Variants in FBXL20 observed in about 807,000 individuals in gnomAD.
FBXL20 encodes F-box/LRR-repeat protein 20.
FBXL20 carries 11 observed loss-of-function variants against 64.0 expected under a neutral mutation model. That is an observed-to-expected ratio of 0.17 (90% CI 0.11 to 0.28). The LOEUF (loss-of-function observed/expected upper bound fraction) is 0.28, where lower values mean the gene tolerates loss of function less well. Ranked by LOEUF, FBXL20 falls within the 10% of genes least tolerant of loss-of-function variation. FBXL20 has a pLI of 1.00. For synonymous variants in FBXL20, 184 were observed against 189.0 expected, an observed-to-expected ratio of 0.97 and a Z score of 0.22; for missense variants, 303 against 526.2, an observed-to-expected ratio of 0.58 and a Z score of 4.15.
chr17:39,401,177 G>A (rs1188311680), intron 1 of FBXL20, among the ~76,000 whole-genome samples, 184 bp downstream of exon 1: 1 of 152,240 alleles, frequency 6.6e-6, no homozygotes, highest in Non-Finnish European at 1.5e-5. Flanking sequence ...ACCGGCGAGG[G>A]GACTGGGGGC....
chr17:39,271,184 A>G (rs2046840059), intron 10 of FBXL20, among the ~76,000 whole-genome samples: 1 of 152,232 alleles, frequency 6.6e-6, no homozygotes, highest in East Asian at 1.9e-4. Context: ...CCCAGAGGGC[A>G]GCCTGCTCCT....
At chr17:39,355,098 A>AT (rs2047722943) in intron 1 of FBXL20, among the ~76,000 whole-genome samples, 1 of 152,040 alleles carries the variant, frequency 6.6e-6, no homozygotes, top group African/African-American at 2.4e-5. Flanking sequence ...TGCCCAGCTA[A>AT]TTTTTTATTT....
At chr17:39,375,891 G>C (rs1362062769) in intron 1 of FBXL20, among the ~76,000 whole-genome samples, 1 of 152,028 alleles carries the variant, frequency 6.6e-6, no homozygotes, top group African/African-American at 2.4e-5. Flanking sequence ...AGGCCAAGGC[G>C]GGCAGATCAC....
intron 2 of FBXL20, among the ~76,000 whole-genome samples, chr17:39,328,145 G>A (rs1480090089): frequency 6.6e-6 from 1 of 150,542 alleles, no homozygotes; most frequent in African/African-American, 2.4e-5. Flanking sequence ...TTACTTGGGA[G>A]GCTGCGGCAG....
intron 2 of FBXL20, among the ~76,000 whole-genome samples, chr17:39,337,110 C>T (rs1293587145): frequency 2.0e-5 from 3 of 152,202 alleles, no homozygotes; most frequent in East Asian, 1.9e-4. Context: ...CTCAGCCTGC[C>T]GAGTGCCTGG....
chr17:39,316,803 C>G (rs1200105484), intron 2 of FBXL20, among the ~76,000 whole-genome samples: 2 of 152,232 alleles, frequency 1.3e-5, no homozygotes, highest in Non-Finnish European at 2.9e-5. Flanking sequence ...GCCTGGCCAA[C>G]ATGGCGAAAG....
chr17:39,329,558 T>C (rs1284559529), intron 2 of FBXL20, among the ~76,000 whole-genome samples: 2 of 152,204 alleles, frequency 1.3e-5, no homozygotes, highest in Non-Finnish European at 2.9e-5. Flanking sequence ...TTCACTTTGA[T>C]TACTGTACTG....
intron 2 of FBXL20, among the ~76,000 whole-genome samples, chr17:39,342,260 G>T (rs1334855286): frequency 1.3e-5 from 2 of 152,010 alleles, no homozygotes; most frequent in Non-Finnish European, 2.9e-5. Flanking sequence ...CTAAATCTTA[G>T]TAAACCTCAA....
At chr17:39,303,735 G>T in intron 2 of FBXL20, 96 bp from the exon 3 acceptor site, 1 of 1,080,268 alleles carries the variant, frequency 9.3e-7, no homozygotes, top group Non-Finnish European at 1.3e-6. Flanking sequence ...CAGCCAAGCT[G>T]GAGAGCAGTG....
intron 1 of FBXL20, among the ~76,000 whole-genome samples, chr17:39,382,092 CAAAAAAA>C (rs36115875): frequency 1.4e-5 from 1 of 71,414 alleles, no homozygotes; most frequent in Admixed American, 1.6e-4. Flanking sequence ...GACTCCGTCT[CAAAAAAA>C]AAAAAAAAAA....
intron 1 of FBXL20, among the ~76,000 whole-genome samples, chr17:39,362,741 CA>C (rs2047810549): frequency 6.6e-6 from 1 of 151,888 alleles, no homozygotes; most frequent in East Asian, 1.9e-4. Flanking sequence ...CTCAGCCTCC[CA>C]AACAGCTGGG....
intron 1 of FBXL20, among the ~76,000 whole-genome samples, chr17:39,384,253 C>T (rs2048055317): frequency 6.6e-6 from 1 of 152,006 alleles, no homozygotes; most frequent in African/African-American, 2.4e-5. Context: ...ATAGGCCAGG[C>T]GCAGTGGCTC....
intron 1 of FBXL20, among the ~76,000 whole-genome samples, chr17:39,381,190 A>G (rs2048019934): frequency 6.6e-6 from 1 of 151,712 alleles, no homozygotes; most frequent in Admixed American, 6.6e-5. Flanking sequence ...AATAAAAGCT[A>G]AATAACAGGC....
chr17:39,342,573 C>T (rs2047593132), intron 2 of FBXL20, among the ~76,000 whole-genome samples: 1 of 152,080 alleles, frequency 6.6e-6, no homozygotes, highest in Non-Finnish European at 1.5e-5. Context: ...AAAAATTAGC[C>T]AGGCATGGTG....
chr17:39,286,021 T>C (rs16968720), intron 6 of FBXL20, among the ~76,000 whole-genome samples: 8,128 of 152,306 alleles, frequency 0.053, 243 homozygotes, highest in Non-Finnish European at 0.078. Context: ...ATGTAGGAAC[T>C]GGATTTTTGC....
rs191427571 is a variant in FBXL20 at position 39,388,666 on chromosome 17, T to C, written c.42+12695A>G. 4.0e-3 allele frequency among the ~76,000 whole-genome samples: 599 copies of C among 150,846 alleles called. 6 individuals are homozygous for C. Among genetic ancestry groups the C allele is most frequent in the African/African-American group, 0.014 (572 of 41,344 alleles). ...GCCCAGCTAATTTTTATACTTTTAA[T>C]AGAGACGGGGTTTCACCATGTTGGC... is the stretch of plus-strand genomic sequence containing the variant. On this transcript the variant is annotated intron_variant, in intron 1 of 14. Transcript: ENST00000264658.
At chr17:39,322,603 T>C (rs1316536990) in intron 2 of FBXL20, among the ~76,000 whole-genome samples, 1 of 152,178 alleles carries the variant, frequency 6.6e-6, no homozygotes, top group African/African-American at 2.4e-5. Context: ...CCCGTTTACC[T>C]TGTCCAGATG....
intron 9 of FBXL20, 32 bp from the exon 10 acceptor site, chr17:39,275,132 A>ATTAG: frequency 1.3e-6 from 2 of 1,582,980 alleles, no homozygotes; most frequent in Non-Finnish European, 1.7e-6. Context: ...ATCCATAGAT[A>ATTAG]TTAGTATCTT....
At chr17:39,318,151 TG>T (rs2047314953) in intron 2 of FBXL20, among the ~76,000 whole-genome samples, 1 of 152,148 alleles carries the variant, frequency 6.6e-6, no homozygotes, top group Admixed American at 6.6e-5. Context: ...ATTATTGAAG[TG>T]GGGTAACAGG....
Sources: allele counts gnomAD v4.1 joint callset (sites outside exome capture counted in the v4.1 genomes callset), GRCh38; gene constraint gnomAD v4.1.1; transcripts MANE v1.5; gene names NCBI Gene and HGNC (gene_info 2026-07-23, HGNC 2026-07-21).